Variants in GEMIN4 observed in about 807,000 individuals in gnomAD.
GEMIN4 encodes gem nuclear organelle associated protein 4, also known as gem-associated protein 4.
In GEMIN4, 59 loss-of-function variants were observed where a neutral mutation model predicts 76.8. The observed-to-expected ratio is 0.77, with a 90% confidence interval of 0.62 to 0.95. The LOEUF (loss-of-function observed/expected upper bound fraction) is 0.95. Ranked by LOEUF, GEMIN4 falls within the 40% of genes least tolerant of loss-of-function variation. The pLI, the probability that GEMIN4 is intolerant of heterozygous loss-of-function variation, is 0.00. For synonymous variants in GEMIN4, 562 were observed against 559.7 expected, an observed-to-expected ratio of 1.00 and a Z score of -0.06; for missense variants, 1,311 against 1,318.9, an observed-to-expected ratio of 0.99 and a Z score of 0.09.
chr17:753,424 C>A (rs1904858185), upstream of GEMIN4: 2 of 152,410 alleles, frequency 1.3e-5, no homozygotes, highest in South Asian at 3.5e-4. Flanking sequence ...GCGTGGAGCG[C>A]GAACAAAGGG....
chr17:744,849 C>T lies in GEMIN4; in HGVS notation c.*17G>A. Reference sequence around the variant, plus strand: ...TCTGCAGACCCGCCATGTTGGGGCCCAGCTCCCCACGCCAAGTCAGAAGCT... The same window carrying T: ...TCTGCAGACCCGCCATGTTGGGGCCTAGCTCCCCACGCCAAGTCAGAAGCT... On this transcript the variant is annotated 3_prime_UTR_variant, in exon 2 of 2. Coordinates refer to ENST00000319004, the MANE Select transcript of GEMIN4 (RefSeq NM_015721.3). 1 of 1,595,946 alleles carries T rather than the reference C, an allele frequency of 6.3e-7. No homozygotes were observed. The highest frequency in any genetic ancestry group is 8.5e-7 in the Non-Finnish European group (1 of 1,171,904).
chr17:744,919 T>G lies in GEMIN4; in HGVS notation c.3124A>C (p.Ile1042Leu). The G allele has an allele frequency of 6.2e-7, 1 of 1,613,688 alleles. No homozygotes were observed. Among genetic ancestry groups the G allele is most frequent in the Non-Finnish European group, 8.5e-7 (1 of 1,179,842 alleles). ...GTTTGGCGCCGTTCTTCAGGGCCGA[T>G]GCCCTCAGCAATGGACTTTAAGAAG... ...QRFLKSIAEG[I>L]GPEERRQTLL... The change falls in exon 2 of 2, where the codon ATC becomes CTC. Residue 1042 changes from isoleucine (I) to leucine (L), a missense_variant. By Grantham distance (5) the Ile-to-Leu change is conservative. Around this residue, in one of 2 missense-constraint regions of GEMIN4, gnomAD observed 1,208 missense variants for 1,166.9 expected, o/e 1.04. Transcript: ENST00000319004.
At position 746,608 on chromosome 17, in the gene GEMIN4, C is replaced by T; in HGVS notation, c.1435G>A (p.Val479Met). The change falls in exon 2 of 2, where the codon GTG (valine) becomes ATG (methionine). Residue 479 changes from valine to methionine, a missense_variant. Physicochemically the swap from Val to Met is conservative, Grantham distance 21. This residue lies in a region of GEMIN4 where 1,208 missense variants were observed against 1,166.9 expected (regional missense o/e 1.04). Coordinates refer to ENST00000319004, the MANE Select transcript of GEMIN4 (RefSeq NM_015721.3). This position sits in a 1 kb window ranked among gnomAD's most constrained non-coding sequence, Gnocchi z 4.3. Reference sequence around the variant, plus strand: ...TAACATTCCAGGATCAGGTGGATCACCTGCCGGATCTGAGACTCAGGGATG... The same window carrying T: ...TAACATTCCAGGATCAGGTGGATCATCTGCCGGATCTGAGACTCAGGGATG... The part of the protein sequence containing the change: ...RAIPESQIRQ[V>M]IHLILECYAD... 1.2e-6 allele frequency: 2 copies of T among 1,613,660 alleles called. No homozygotes were observed. The highest frequency in any genetic ancestry group is 1.1e-5 in the South Asian group (1 of 91,084).
rs34452716 is a variant in GEMIN4, at chr17:745,697, G to C, written c.2346C>G (p.Phe782Leu). 1,436 of 1,599,256 alleles carry C rather than the reference G, an allele frequency of 9.0e-4. 14 individuals are homozygous for C. In the African/African-American group the frequency reaches 0.017, roughly 19 times the overall value. ...LRLKSFFEGH[F>L]KCEVPATLFE... ...AAAGTGTGGCTGGCACTTCACACTT[G>C]AAGTGCCCCTCGAAGAAGCTCTTCA... Residue 782 changes from phenylalanine (F) to leucine (L), a missense_variant, in exon 2 of 2, where the codon TTC becomes TTG. Transcript: ENST00000319004. The surrounding 1 kb of genome is among the most constrained non-coding windows in gnomAD (Gnocchi z 4.6).
At position 746,663 on chromosome 17, in the gene GEMIN4, T is replaced by C. The variant is rs879172294; in HGVS notation, c.1380A>G (p.Thr460=). The C allele has an allele frequency of 1.2e-6, 2 of 1,613,596 alleles. No individual in the cohort carries two copies. The highest frequency in any genetic ancestry group is 2.2e-5 in the South Asian group (2 of 91,090). The change falls in exon 2 of 2, where the codon ACA becomes ACG. Residue 460 remains threonine, a synonymous_variant. Transcript: ENST00000319004. This position sits in a 1 kb window ranked among gnomAD's most constrained non-coding sequence, Gnocchi z 4.3. ...QPDLVLRLLE[T]VIDVSTADRA... ...TGTCAGCTGTGCTGACGTCTATCAC[T>C]GTTTCCAGCAGCCTCAACACCAAGT... is the stretch of plus-strand genomic sequence containing the variant.
chr17:746,077 C>A lies in GEMIN4; in HGVS notation c.1966G>T (p.Val656Phe), dbSNP rs200818121. Residue 656 changes from valine to phenylalanine, a missense_variant, in exon 2 of 2, where the codon GTC becomes TTC. Val to Phe is a conservative substitution (Grantham distance 50). Transcript: ENST00000319004. The surrounding 1 kb of genome is among the most constrained non-coding windows in gnomAD (Gnocchi z 4.3). ...ACATCTAACCTCAAGAAAGGCAGGA[C>A]AAATTCCTTCAGCACCTCGTCTGGC... is the stretch of plus-strand genomic sequence containing the variant. ...LEPDEVLKEFVLPFLRLDVEE... is the reference protein window; with the variant it reads ...LEPDEVLKEFFLPFLRLDVEE... 220 of 1,613,968 alleles carry A rather than the reference C, an allele frequency of 1.4e-4. 1 individual carries two copies. The highest frequency in any genetic ancestry group is 1.8e-4 in the Non-Finnish European group (209 of 1,179,898).
At chr17:751,382 G>A (rs1904675940) in intron 1 of GEMIN4, among the ~76,000 whole-genome samples, 2 of 152,106 alleles carry the variant, frequency 1.3e-5, no homozygotes, top group African/African-American at 4.8e-5. Context: ...AAAGCTGTCT[G>A]GGGGCGGGGA....
Position 747,698 on chromosome 17 carries a change from C to T in GEMIN4, c.345G>A (p.Leu115=). ...PTINHTILFE[L]LKSLEASGLF... is the part of the protein sequence containing the mutation. ...GTCCAGAAGCTTCCAGGGATTTGAGCAGCTCGAAGAGGATGGTGTGGTTGA... is the reference window on the plus strand; with the variant it reads ...GTCCAGAAGCTTCCAGGGATTTGAGTAGCTCGAAGAGGATGGTGTGGTTGA... The change falls in exon 2 of 2, where the codon CTG becomes CTA. Residue 115 remains leucine, a synonymous_variant. Coordinates refer to ENST00000319004, the MANE Select transcript of GEMIN4 (RefSeq NM_015721.3). 1 of 1,613,836 alleles carries T rather than the reference C, an allele frequency of 6.2e-7. No individual in the cohort carries two copies. The highest frequency in any genetic ancestry group is 8.5e-7 in the Non-Finnish European group (1 of 1,179,838).
Position 745,431 on chromosome 17 carries a change from C to G in GEMIN4, c.2612G>C (p.Arg871Pro). The G allele has an allele frequency of 6.2e-7, 1 of 1,612,554 alleles. No homozygotes were observed. Among genetic ancestry groups the G allele is most frequent in the Non-Finnish European group, 8.5e-7 (1 of 1,179,706 alleles). The change falls in exon 2 of 2, where the codon CGC becomes CCC. Residue 871 changes from arginine to proline, a missense_variant. Transcript: ENST00000319004. This position sits in a 1 kb window ranked among gnomAD's most constrained non-coding sequence, Gnocchi z 4.6. ...CAGTCTCCTGGTCAGCTGGTGAAGG[C>G]GCTGCCACTCCTGAGGGCTGCACCA... ...MPWCSPQEWQ[R>P]LHQLTRRLLE...
At position 745,547 on chromosome 17, in the gene GEMIN4, C is replaced by A; in HGVS notation, c.2496G>T (p.Met832Ile). 1 of 1,612,730 alleles carries A rather than the reference C, an allele frequency of 6.2e-7. No individual in the cohort carries two copies. The highest frequency in any genetic ancestry group is 1.3e-5 in the African/African-American group (1 of 75,018). The change falls in exon 2 of 2, where the codon ATG becomes ATT. Residue 832 changes from methionine to isoleucine, a missense_variant. Transcript: ENST00000319004. The surrounding 1 kb of genome is among the most constrained non-coding windows in gnomAD (Gnocchi z 4.6). ...CCVSSGISER[M>I]LSLLVVDVGN... Reference sequence around the variant, plus strand: ...CCACGTCCACCACCAAGAGAGACAGCATCCTCTCCGAGATGCCGCTGGAGA... The same window carrying A: ...CCACGTCCACCACCAAGAGAGACAGAATCCTCTCCGAGATGCCGCTGGAGA...
upstream of GEMIN4, chr17:752,650 C>T (rs1904814245): frequency 8.8e-6 from 9 of 1,018,806 alleles, no homozygotes; most frequent in East Asian, 8.4e-5. Flanking sequence ...GCGCCGCCCC[C>T]TCCAGACAGC....
intron 1 of GEMIN4, chr17:751,855 C>T: frequency 2.7e-6 from 1 of 371,256 alleles, no homozygotes; most frequent in Non-Finnish European, 4.8e-6. Context: ...AAAGCACGTG[C>T]GCGAGCCCCG....
rs564331928 is a variant in GEMIN4, at chr17:748,177, G to A, written c.11-145C>T. 4.3e-5 allele frequency: 28 copies of A among 649,080 alleles called. No homozygotes were observed. In the African/African-American group the frequency reaches 4.9e-4, roughly 11 times the overall value. The allele number at this position is 649,080 out of a possible 1,614,324, so 40.2% of individuals were successfully genotyped here. On this transcript the variant is annotated intron_variant, in intron 1 of 1. Transcript: ENST00000319004. ...AGAAGGGATGACTACAAGAGCCACT[G>A]CACAGCTGGAGTCAGAAGGACTTGG...
chr17:752,222 G>C lies in GEMIN4; in HGVS notation c.-80C>G. 2.4e-6 allele frequency: 3 copies of C among 1,229,348 alleles called. No homozygotes were observed. Among genetic ancestry groups the C allele is most frequent in the Non-Finnish European group, 3.0e-6 (3 of 985,802 alleles). The allele number at this position is 1,229,348 out of a possible 1,614,324, so 76.2% of individuals were successfully genotyped here. On this transcript the variant is annotated 5_prime_UTR_variant, in exon 1 of 2. The change creates a new upstream start codon in the 5' untranslated region. Transcript: ENST00000319004. ...GAACGCGGCGCGGGACGCACGGCAC[G>C]ATGGGAGACGCAGGAGCCACGGCGG...
chr17:750,734 A>C (rs1904630605), intron 1 of GEMIN4, among the ~76,000 whole-genome samples: 1 of 152,104 alleles, frequency 6.6e-6, no homozygotes, highest in South Asian at 2.1e-4. Context: ...ACTCCAGGAG[A>C]CTAAGGACCA....
At chr17:748,119 G>A in intron 1 of GEMIN4, 87 bp from the exon 2 acceptor site, 1 of 1,065,822 alleles carries the variant, frequency 9.4e-7, no homozygotes, top group Non-Finnish European at 1.3e-6. Flanking sequence ...GGTTTGAGAT[G>A]ACAAGGGTTT....
chr17:747,523 G>A lies in GEMIN4; in HGVS notation c.520C>T (p.Pro174Ser). Residue 174 changes from proline to serine, a missense_variant, in exon 2 of 2, where the codon CCG becomes TCG. Coordinates refer to ENST00000319004, the MANE Select transcript of GEMIN4 (RefSeq NM_015721.3). ...WWEVMKHKGH[P>S]QDPLLSQFSA... ...AACTGGGAGAGCAGGGGGTCCTGCG[G>A]GTGACCCTTGTGCTTCATCACCTCC... 1 of 1,613,798 alleles carries A rather than the reference G, an allele frequency of 6.2e-7. No homozygotes were observed. The highest frequency in any genetic ancestry group is 8.5e-7 in the Non-Finnish European group (1 of 1,179,874).
chr17:745,837 G>A lies in GEMIN4; in HGVS notation c.2206C>T (p.Leu736=), dbSNP rs772588769. ...KDLAIHILEL[L]CEIVSANAET... ...GCATTGGCTGATACAATCTCACACA[G>A]GAGCTCCAGGATATGGATCGCTAGA... Residue 736 remains leucine (L), a synonymous_variant, in exon 2 of 2, where the codon CTG becomes TTG. Transcript: ENST00000319004. This position sits in a 1 kb window ranked among gnomAD's most constrained non-coding sequence, Gnocchi z 4.6. 1 of 1,613,022 alleles carries A rather than the reference G, an allele frequency of 6.2e-7. No homozygotes were observed. The highest frequency in any genetic ancestry group is 1.7e-5 in the Admixed American group (1 of 59,972).
Position 747,195 on chromosome 17 carries a change from G to A in GEMIN4, c.848C>T (p.Pro283Leu), listed in dbSNP as rs747080087. 8 of 1,613,714 alleles carry A rather than the reference G, an allele frequency of 5.0e-6. No individual in the cohort carries two copies. The highest frequency in any genetic ancestry group is 5.9e-6 in the Non-Finnish European group (7 of 1,179,858). The change falls in exon 2 of 2, where the codon CCC (proline) becomes CTC (leucine). Residue 283 changes from proline to leucine, a missense_variant. Physicochemically the swap from Pro to Leu is moderately conservative, Grantham distance 98. This residue lies in a region of GEMIN4 where 1,208 missense variants were observed against 1,166.9 expected (regional missense o/e 1.04). Transcript: ENST00000319004. ...ISVWNSDTQN[P>L]YHQQALAEKV... is the part of the protein sequence containing the mutation. ...CTCTGCCAGCGCCTGCTGGTGGTAG[G>A]GATTCTGGGTGTCCGAGTTCCACAC...
Sources: allele counts gnomAD v4.1 joint callset (sites outside exome capture counted in the v4.1 genomes callset), GRCh38; gene constraint gnomAD v4.1.1; regional missense constraint gnomAD v4.1.1; non-coding constraint Gnocchi (gnomAD v3.1); transcripts MANE v1.5; gene names NCBI Gene and HGNC (gene_info 2026-07-23, HGNC 2026-07-21).